The following STX8 variants were observed in gnomAD, a reference collection of about 807,000 sequenced individuals.
The protein encoded by STX8 is syntaxin 8.
STX8 carries 23 observed loss-of-function variants against 37.5 expected under a neutral mutation model. The ratio of observed to expected loss-of-function variants is 0.61; its 90% confidence interval spans 0.44 to 0.87. The LOEUF is 0.87. Among genes scored for constraint, STX8 ranks in the 40% least tolerant of loss-of-function variants. STX8 has a pLI of 0.00. For synonymous variants in STX8, 115 were observed against 99.1 expected, an observed-to-expected ratio of 1.16 and a Z score of -0.95; for missense variants, 313 against 284.7, an observed-to-expected ratio of 1.10 and a Z score of -0.71.
chr17:9,488,288 T>A (rs566476263), intron 6 of STX8, among the ~76,000 whole-genome samples: 1 of 149,400 alleles, frequency 6.7e-6, no homozygotes, highest in Non-Finnish European at 1.5e-5. Context: ...ATCGCACCAC[T>A]GCACTCCAGC....
intron 7 of STX8, among the ~76,000 whole-genome samples, chr17:9,287,510 C>G (rs1908122018): frequency 6.6e-6 from 1 of 152,182 alleles, no homozygotes; most frequent in Non-Finnish European, 1.5e-5. Flanking sequence ...GCATGAGAAG[C>G]TGGCTGTCCC....
intron 7 of STX8, among the ~76,000 whole-genome samples, chr17:9,340,493 G>A (rs1910310639): frequency 6.6e-6 from 1 of 151,980 alleles, no homozygotes; most frequent in Non-Finnish European, 1.5e-5. Flanking sequence ...ACACTAGCAT[G>A]GTTTTCTATC....
chr17:9,340,648 G>GTTTT (rs1249233288), intron 7 of STX8, among the ~76,000 whole-genome samples: 4 of 62,182 alleles, frequency 6.4e-5, no homozygotes, highest in African/African-American at 2.3e-4. Flanking sequence ...TGTTGCACTT[G>GTTTT]ATTTTTTTTT....
At chr17:9,364,293 C>T (rs1355778163) in intron 7 of STX8, among the ~76,000 whole-genome samples, 2 of 152,108 alleles carry the variant, frequency 1.3e-5, no homozygotes, top group Non-Finnish European at 2.9e-5. Flanking sequence ...ATTACAGAAG[C>T]AGGTCTCCTA....
intron 7 of STX8, among the ~76,000 whole-genome samples, chr17:9,270,703 CAATAG>C (rs1347938975): frequency 6.6e-5 from 10 of 152,134 alleles, no homozygotes; most frequent in Admixed American, 5.9e-4. Context: ...TACAAATTAT[CAATAG>C]AATAGGTAAT....
intron 7 of STX8, among the ~76,000 whole-genome samples, chr17:9,329,024 T>C (rs555611334): frequency 9.4e-5 from 11 of 116,506 alleles, no homozygotes; most frequent in Non-Finnish European, 1.3e-4. Context: ...CACTTGAGCA[T>C]GGGCGACAAG....
chr17:9,326,663 G>C (rs751140394), intron 7 of STX8, among the ~76,000 whole-genome samples: 1 of 152,184 alleles, frequency 6.6e-6, no homozygotes, highest in Non-Finnish European at 1.5e-5. Flanking sequence ...TCGGCCACAT[G>C]TCCCTGGTGA....
intron 6 of STX8, among the ~76,000 whole-genome samples, chr17:9,471,872 C>T (rs1436937651): frequency 6.6e-6 from 1 of 152,132 alleles, no homozygotes; most frequent in Non-Finnish European, 1.5e-5. Context: ...TATCCTTTTG[C>T]TATGATAAAT....
At chr17:9,354,640 T>C (rs1234964096) in intron 7 of STX8, among the ~76,000 whole-genome samples, 2 of 152,232 alleles carry the variant, frequency 1.3e-5, no homozygotes, top group Non-Finnish European at 2.9e-5. Flanking sequence ...CTTAACATAC[T>C]ATAATCGTGC....
intron 1 of STX8, among the ~76,000 whole-genome samples, chr17:9,570,249 G>T (rs1907633545): frequency 6.6e-6 from 1 of 151,810 alleles, no homozygotes; most frequent in South Asian, 2.1e-4. Flanking sequence ...ATTCCCTTAG[G>T]AATCTTACTA....
At chr17:9,252,962 C>T (rs1435673018) in intron 7 of STX8, among the ~76,000 whole-genome samples, 1 of 152,226 alleles carries the variant, frequency 6.6e-6, no homozygotes. Flanking sequence ...CAGCCTAAAC[C>T]GTTTACGACC....
chr17:9,361,096 T>G (rs1243554374), intron 7 of STX8, among the ~76,000 whole-genome samples: 1 of 152,128 alleles, frequency 6.6e-6, no homozygotes, highest in Admixed American at 6.6e-5. Context: ...GACTGAAAAT[T>G]GTCATTGCCT....
chr17:9,368,332 G>A (rs992033998), intron 7 of STX8, among the ~76,000 whole-genome samples: 5 of 151,940 alleles, frequency 3.3e-5, no homozygotes, highest in East Asian at 3.9e-4. Context: ...GTGAAACTCC[G>A]TCTCTACTAA....
intron 5 of STX8, among the ~76,000 whole-genome samples, chr17:9,494,135 C>T (rs1906984611): frequency 6.6e-6 from 1 of 151,788 alleles, no homozygotes; most frequent in Admixed American, 6.6e-5. Flanking sequence ...CCTGCCTCAG[C>T]CTCCCGAGTA....
intron 7 of STX8, among the ~76,000 whole-genome samples, chr17:9,277,523 A>G (rs924563337): frequency 3.3e-5 from 5 of 152,138 alleles, no homozygotes; most frequent in Non-Finnish European, 7.3e-5. Context: ...GGTTCTGGGA[A>G]TACAACAAGG....
chr17:9,305,105 A>T (rs12940166), intron 7 of STX8, among the ~76,000 whole-genome samples: 35,036 of 151,308 alleles, frequency 0.23, 5,343 homozygotes, highest in African/African-American at 0.44. Flanking sequence ...TATTATTATT[A>T]TTTTTTGAGA....
At chr17:9,496,105 C>T (rs1350731181) in intron 5 of STX8, among the ~76,000 whole-genome samples, 4 of 148,140 alleles carry the variant, frequency 2.7e-5, no homozygotes, top group East Asian at 2.0e-4. Context: ...GACAGAGTTT[C>T]GCTCTTGTCG....
intron 4 of STX8, among the ~76,000 whole-genome samples, chr17:9,511,351 A>C (rs373376911): frequency 1.5e-3 from 227 of 152,292 alleles, no homozygotes; most frequent in African/African-American, 5.3e-3. Flanking sequence ...ATACACACAA[A>C]AATCCTCAAT....
chr17:9,480,637 T>C (rs8067077), intron 6 of STX8, among the ~76,000 whole-genome samples: 3,733 of 152,270 alleles, frequency 0.025, 128 homozygotes, highest in African/African-American at 0.083. Flanking sequence ...AAACTCATTC[T>C]GGTCCAAAAT....
Sources: allele counts gnomAD v4.1 joint callset (sites outside exome capture counted in the v4.1 genomes callset), GRCh38; gene constraint gnomAD v4.1.1; transcripts MANE v1.5; gene names NCBI Gene and HGNC (gene_info 2026-07-23, HGNC 2026-07-21).